VWA5B1: variants seen among roughly 807,000 people sequenced by gnomAD.
The protein encoded by VWA5B1 is von Willebrand factor A domain containing 5B1, also known as von Willebrand factor A domain-containing protein 5B1.
In VWA5B1, 115 loss-of-function variants were observed where a neutral mutation model predicts 118.2. The ratio of observed to expected loss-of-function variants is 0.97; its 90% CI spans 0.84 to 1.14. The LOEUF is 1.14. Ranked by LOEUF, VWA5B1 falls within the 50% of genes most tolerant of loss-of-function variation. The pLI, the probability that VWA5B1 is intolerant of heterozygous loss-of-function variation, is 0.00. For missense variants in VWA5B1, 1,596 were observed against 1,603.8 expected (o/e 1.00, Z 0.08); for synonymous variants, 682 against 658.4 (o/e 1.04, Z -0.55).
In VWA5B1 at chr1:20,314,335, A is replaced by T; in HGVS notation, c.306A>T (p.Gln102His). The T allele has an allele frequency of 6.4e-7, 1 of 1,551,886 alleles. No homozygotes were observed. Among genetic ancestry groups the T allele is most frequent in the Non-Finnish European group, 8.7e-7 (1 of 1,147,018 alleles). ...RSPTVTGNIL[Q>H]DGVSIAPHSC... is the part of the protein sequence containing the mutation. The stretch of plus-strand genomic sequence containing the variant: ...CCTGGCACTTAGGGAACATTCTGCA[A>T]GACGGGGTTTCCATAGCCCCTCATT... Residue 102 changes from glutamine to histidine, a missense_variant, in exon 4 of 22, where the codon CAA becomes CAT. Gln to His is a conservative substitution (Grantham distance 24, BLOSUM62 0). Coordinates refer to ENST00000289815, the MANE Select transcript of VWA5B1 (RefSeq NM_001039500.3).
At chr1:20,322,039 C>T (rs1209730277) in intron 7 of VWA5B1, among the ~76,000 whole-genome samples, 1 of 152,146 alleles carries the variant, frequency 6.6e-6, no homozygotes, top group Non-Finnish European at 1.5e-5. Context: ...GAGACTATTG[C>T]AAAGGTCGAG....
intron 1 of VWA5B1, among the ~76,000 whole-genome samples, chr1:20,298,498 C>T (rs1004996483): frequency 2.0e-5 from 3 of 152,078 alleles, no homozygotes; most frequent in Non-Finnish European, 2.9e-5. Context: ...CCACCTTCCC[C>T]TACACAGGGC....
chr1:20,331,012 CT>C, intron 11 of VWA5B1, 29 bp downstream of exon 11: 1 of 1,510,832 alleles, frequency 6.6e-7, no homozygotes, highest in Non-Finnish European at 8.9e-7. Context: ...GCAGTCCCTT[CT>C]GGTGCTGGAA....
At chr1:20,328,073 A>C (rs2089441330) in intron 9 of VWA5B1, 73 bp downstream of exon 9, 3 of 1,399,540 alleles carry the variant, frequency 2.1e-6, no homozygotes, top group Non-Finnish European at 3.0e-6. Context: ...GGAAAGGGGA[A>C]AAAATAGTTA....
At chr1:20,349,892 T>C (rs964931842) in intron 18 of VWA5B1, among the ~76,000 whole-genome samples, 1 of 152,224 alleles carries the variant, frequency 6.6e-6, no homozygotes, top group African/African-American at 2.4e-5. Flanking sequence ...ATGTATAAAG[T>C]AATTTTGCCA....
At chr1:20,298,012 T>TG (rs1557825652) in intron 1 of VWA5B1, among the ~76,000 whole-genome samples, 16 of 144,318 alleles carry the variant, frequency 1.1e-4, no homozygotes, top group African/African-American at 1.8e-4. Flanking sequence ...TTTTTTTTTT[T>TG]TTTTTTGTTT....
Position 20,317,580 on chromosome 1 carries a change from T to C in VWA5B1, c.614T>C (p.Leu205Ser). The C allele has an allele frequency of 1.3e-6, 2 of 1,551,812 alleles. No homozygotes were observed. Among genetic ancestry groups the C allele is most frequent in the Non-Finnish European group, 1.7e-6 (2 of 1,147,014 alleles). Residue 205 changes from leucine (L) to serine (S), a missense_variant, in exon 5 of 22, where the codon TTG becomes TCG. Leu to Ser is a moderately radical substitution (Grantham distance 145). Transcript: ENST00000289815. ...GAWAPGSWNK[L>S]CLATLLNTEV... is the part of the protein sequence containing the mutation. Reference sequence around the variant, plus strand: ...TGGGCCCCGGGCTCCTGGAATAAGTTGTGCCTGGCGACTCTCCTGAACACC... The same window carrying C: ...TGGGCCCCGGGCTCCTGGAATAAGTCGTGCCTGGCGACTCTCCTGAACACC...
At chr1:20,300,851 C>T (rs4655188) in intron 1 of VWA5B1, among the ~76,000 whole-genome samples, 9,192 of 152,284 alleles carry the variant, frequency 0.06, 311 homozygotes, top group Admixed American at 0.09. Flanking sequence ...AATCTTTACG[C>T]CCCACCAGCT....
At position 20,318,463 on chromosome 1, in the gene VWA5B1, G is replaced by C. The variant is rs746739226; in HGVS notation, c.710-127G>C. ...GCAGCCTGGCCATGGTCACACTGCA[G>C]GTCAGGAGCCCCTAACGGGGCTGGC... On this transcript the variant is annotated intron_variant, in intron 5 of 21. Transcript: ENST00000289815. 3.6e-6 allele frequency: 5 copies of C among 1,375,008 alleles called. No homozygotes were observed. The South Asian group carries it at 6.3e-5, about 17-fold the overall frequency. The allele number at this position is 1,375,008 out of a possible 1,614,324, so 85.2% of individuals were successfully genotyped here. A position where few individuals can be genotyped will look rare whatever the true frequency, so the allele number is the denominator to read the frequency against.
chr1:20,352,073 C>T lies in VWA5B1; in HGVS notation c.3042C>T (p.Ser1014=), dbSNP rs780901827. The change falls in exon 21 of 22, where the codon TCC becomes TCT. Residue 1014 remains serine (S), a synonymous_variant. Transcript: ENST00000289815. ...TGCACAGGCTAAATCTCAACAAGTCCAGGCTACTGACGCGAGCAGCCAAGG... is the reference window on the plus strand; with the variant it reads ...TGCACAGGCTAAATCTCAACAAGTCTAGGCTACTGACGCGAGCAGCCAAGG... ...LFGSWLNLNK[S]RLLTRAAKGF... is the part of the protein sequence containing the mutation. 9.7e-6 allele frequency: 15 copies of T among 1,551,128 alleles called. 1 individual carries two copies. The South Asian group carries it at 1.4e-4, about 15-fold the overall frequency.
rs539557586 is a variant in VWA5B1, at chr1:20,318,641, G to A, written c.761G>A (p.Arg254His). 184 of 1,550,284 alleles carry A rather than the reference G, an allele frequency of 1.2e-4. No homozygotes were observed. The highest frequency in any genetic ancestry group is 3.2e-4 in the East Asian group (13 of 40,878). ...EIRADAAPSA[R>H]SAKSIIITLA... ...CGTGCCGACGCCGCCCCATCTGCCCGCTCGGCCAAGAGCATCATCATCACC... is the reference window on the plus strand; with the variant it reads ...CGTGCCGACGCCGCCCCATCTGCCCACTCGGCCAAGAGCATCATCATCACC... The change falls in exon 6 of 22, where the codon CGC becomes CAC. Residue 254 changes from arginine (R) to histidine (H), a missense_variant. Arg to His is a conservative substitution (Grantham distance 29). Coordinates refer to ENST00000289815, the MANE Select transcript of VWA5B1 (RefSeq NM_001039500.3).
At chr1:20,333,388 A>C (rs781424018) in intron 12 of VWA5B1, among the ~76,000 whole-genome samples, 7 of 152,206 alleles carry the variant, frequency 4.6e-5, no homozygotes, top group African/African-American at 7.2e-5. Flanking sequence ...GAGGCACGAG[A>C]ATCACTTGAA....
intron 8 of VWA5B1, among the ~76,000 whole-genome samples, chr1:20,325,631 C>A (rs541346185): frequency 6.6e-6 from 1 of 152,326 alleles, no homozygotes; most frequent in South Asian, 2.1e-4. Flanking sequence ...CCAGAATTCT[C>A]GGACAATAAC....
intron 13 of VWA5B1, among the ~76,000 whole-genome samples, chr1:20,337,325 G>A (rs1414641169): frequency 6.6e-6 from 1 of 151,784 alleles, no homozygotes; most frequent in African/African-American, 2.4e-5. Flanking sequence ...ACAGGGTTTC[G>A]CCATGTAGCC....
chr1:20,294,467 T>TTTTATTTATTTA (rs34758007), intron 1 of VWA5B1: 7 of 151,152 alleles, frequency 4.6e-5, no homozygotes, highest in African/African-American at 1.5e-4. Flanking sequence ...ACCCATGGGG[T>TTTTATTTATTTA]TTTATTTATT....
intron 1 of VWA5B1, among the ~76,000 whole-genome samples, chr1:20,306,265 G>A (rs538292417): frequency 7.9e-5 from 12 of 152,188 alleles, no homozygotes; most frequent in South Asian, 2.1e-4. Context: ...CCATGAGCAC[G>A]TGCATGTCTA....
chr1:20,343,457 C>T (rs1198174853), intron 16 of VWA5B1, 64 bp downstream of exon 16: 3 of 1,450,218 alleles, frequency 2.1e-6, no homozygotes, highest in Non-Finnish European at 9.1e-7. Flanking sequence ...CGCTCCACAG[C>T]CGCTCCCCCT....
intron 19 of VWA5B1, 46 bp from the exon 20 acceptor site, chr1:20,350,811 C>G: frequency 6.5e-7 from 1 of 1,533,398 alleles, no homozygotes; most frequent in Non-Finnish European, 8.8e-7. Flanking sequence ...AGCAGTTGGA[C>G]GGGGTCATCT....
chr1:20,354,443 T>C lies in VWA5B1; in HGVS notation c.*180T>C. ...TCCCAACTTTGCTACCATCCAGCCA[T>C]GCAACTTTAGGCCAGTGCCTGCCCC... is the stretch of plus-strand genomic sequence containing the variant. On this transcript the variant is annotated 3_prime_UTR_variant, in exon 22 of 22. Transcript: ENST00000289815. The C allele has an allele frequency of 2.5e-6, 2 of 788,366 alleles. No homozygotes were observed. The highest frequency in any genetic ancestry group is 1.9e-5 in the South Asian group (1 of 53,388). 48.8% of individuals were successfully genotyped at this position (788,366 alleles called of 1,614,324 possible). A position where few individuals can be genotyped will look rare whatever the true frequency, so the allele number is the denominator to read the frequency against.
Sources: gnomAD v4.1 joint callset for allele counts (sites outside exome capture counted in the v4.1 genomes callset) on GRCh38, gnomAD v4.1.1 for gene constraint, MANE v1.5 for transcripts, NCBI Gene and HGNC (gene_info 2026-07-23, HGNC 2026-07-21) for gene names.